Variants in ZSWIM5 observed in about 807,000 individuals in gnomAD.
The protein encoded by ZSWIM5 is zinc finger SWIM domain-containing protein 5.
Under a neutral mutation model 119.6 loss-of-function variants are expected in ZSWIM5, and 55 were observed. The ratio of observed to expected loss-of-function variants is 0.46; its 90% CI spans 0.37 to 0.58. The LOEUF is 0.58. Ranked by LOEUF, ZSWIM5 falls within the 20% of genes least tolerant of loss-of-function variation. The pLI, the probability that ZSWIM5 is intolerant of heterozygous loss-of-function variation, is 0.00. For missense variants in ZSWIM5, 1,193 were observed against 1,512.8 expected, an observed-to-expected ratio of 0.79 and a Z score of 3.51; for synonymous variants, 537 against 606.9, an observed-to-expected ratio of 0.88 and a Z score of 1.69.
rs115244315 is a variant in ZSWIM5 at position 45,035,983 on chromosome 1, G to A, written c.2155+56C>T. 1.4e-3 allele frequency: 2,261 copies of A among 1,586,616 alleles called. 33 individuals carry two copies. In the African/African-American group the frequency reaches 0.027, roughly 19 times the overall value. ...CCTGTACTTGTACTCTATTGGAGAG[G>A]GGAGCTCAGGGTCATGGGCCAAAGA... is the stretch of plus-strand genomic sequence containing the variant. On this transcript the variant is annotated intron_variant, in intron 9 of 13. Transcript: ENST00000359600.
chr1:45,093,534 A>G (rs767794270), intron 1 of ZSWIM5, among the ~76,000 whole-genome samples: 42 of 152,236 alleles, frequency 2.8e-4, no homozygotes, highest in Non-Finnish European at 5.6e-4. Flanking sequence ...TGTCAGCTGT[A>G]TTAACACTGG....
At chr1:45,181,475 G>T (rs1189414277) in intron 1 of ZSWIM5, among the ~76,000 whole-genome samples, 3 of 152,136 alleles carry the variant, frequency 2.0e-5, no homozygotes, top group African/African-American at 7.2e-5. Context: ...ACCTGAAAGG[G>T]ACAGGGAGAA....
In ZSWIM5 at chr1:45,034,621, T is replaced by C. The variant is rs1437820813; in HGVS notation, c.2292-152A>G. The C allele has an allele frequency of 7.3e-6, 6 of 820,268 alleles. No individual in the cohort carries two copies. In the African/African-American group the frequency reaches 1.0e-4, roughly 14 times the overall value. The allele number at this position is 820,268 out of a possible 1,614,324, so 50.8% of individuals were successfully genotyped here. ...TTTTTAAACCTATGGTACTATACAC[T>C]ATATGAGGTGAGTGCCTGGGCACTT... On this transcript the variant is annotated intron_variant, in intron 10 of 13. Transcript: ENST00000359600.
intron 4 of ZSWIM5, among the ~76,000 whole-genome samples, chr1:45,055,869 C>T (rs1221110096): frequency 6.6e-6 from 1 of 152,174 alleles, no homozygotes; most frequent in African/African-American, 2.4e-5. Flanking sequence ...TGGCTCGTGC[C>T]TGTAATCCCA....
intron 9 of ZSWIM5, 96 bp downstream of exon 9, chr1:45,035,943 A>G: frequency 1.3e-6 from 2 of 1,562,506 alleles, no homozygotes; most frequent in Non-Finnish European, 1.7e-6. Flanking sequence ...ACTACATTTT[A>G]ATGTCATAAA....
chr1:45,089,869 A>G (rs1195535624), intron 1 of ZSWIM5, among the ~76,000 whole-genome samples: 3 of 152,192 alleles, frequency 2.0e-5, no homozygotes, highest in African/African-American at 7.2e-5. Flanking sequence ...AGCTACACAT[A>G]TAAGTAAATG....
At chr1:45,058,231 C>A (rs772993830) in intron 4 of ZSWIM5, among the ~76,000 whole-genome samples, 1 of 152,186 alleles carries the variant, frequency 6.6e-6, no homozygotes, top group African/African-American at 2.4e-5. Context: ...TTGGAAACTG[C>A]CCTACGTCTT....
chr1:45,193,934 A>ATGTG (rs199946011), intron 1 of ZSWIM5, among the ~76,000 whole-genome samples: 9 of 149,326 alleles, frequency 6.0e-5, no homozygotes, highest in African/African-American at 2.3e-4. Flanking sequence ...ATGTGTGCAT[A>ATGTG]TGTGTATATA....
intron 1 of ZSWIM5, among the ~76,000 whole-genome samples, chr1:45,150,681 A>G (rs1250485452): frequency 3.3e-5 from 5 of 152,042 alleles, no homozygotes; most frequent in Non-Finnish European, 7.4e-5. Context: ...TATTACTCTT[A>G]TTACATTGTT....
rs1644863571 is a variant in ZSWIM5 at position 45,017,723 on chromosome 1, G to A, written c.*731C>T. ...CTCAGGTGTTCAGCAGGCTCCTGAAGAGGCTGTGTGAGGCAGGAGCTTCAA... is the reference window on the plus strand; with the variant it reads ...CTCAGGTGTTCAGCAGGCTCCTGAAAAGGCTGTGTGAGGCAGGAGCTTCAA... On this transcript the variant is annotated 3_prime_UTR_variant, in exon 14 of 14. Coordinates refer to ENST00000359600, the MANE Select transcript of ZSWIM5 (RefSeq NM_020883.2). The A allele has an allele frequency of 6.6e-6, 1 of 152,250 alleles. No homozygotes were observed. Among genetic ancestry groups the A allele is most frequent in the Admixed American group, 6.5e-5 (1 of 15,280 alleles). 9.4% of individuals were successfully genotyped at this position (152,250 alleles called of 1,614,324 possible).
intron 1 of ZSWIM5, among the ~76,000 whole-genome samples, chr1:45,159,402 T>C (rs2149040760): frequency 6.6e-6 from 1 of 152,326 alleles, no homozygotes; most frequent in South Asian, 2.1e-4. Context: ...CTTATGTCAC[T>C]ATAATGAGGA....
chr1:45,075,909 GAGGC>G, intron 2 of ZSWIM5, among the ~76,000 whole-genome samples: 1 of 139,412 alleles, frequency 7.2e-6, no homozygotes, highest in African/African-American at 2.7e-5. Flanking sequence ...AAGTTACCAT[GAGGC>G]TTGCAAATAC....
At chr1:45,180,374 G>C (rs534720419) in intron 1 of ZSWIM5, among the ~76,000 whole-genome samples, 128 of 152,302 alleles carry the variant, frequency 8.4e-4, no homozygotes, top group African/African-American at 3.0e-3. Context: ...CAGCGAGGCT[G>C]GGGGAGGGGC....
chr1:45,200,169 A>C (rs561701092), intron 1 of ZSWIM5, among the ~76,000 whole-genome samples: 4 of 152,346 alleles, frequency 2.6e-5, no homozygotes, highest in Non-Finnish European at 5.9e-5. Context: ...AGGACAAACC[A>C]CATTATACAT....
chr1:45,087,324 C>T (rs1388936106), intron 2 of ZSWIM5, among the ~76,000 whole-genome samples: 4 of 152,084 alleles, frequency 2.6e-5, no homozygotes, highest in African/African-American at 9.7e-5. Flanking sequence ...TGTTTTAGAC[C>T]CTCAACAATC....
chr1:45,036,705 T>C (rs1644986951), intron 8 of ZSWIM5, among the ~76,000 whole-genome samples: 1 of 152,134 alleles, frequency 6.6e-6, no homozygotes, highest in African/African-American at 2.4e-5. Flanking sequence ...GGTCAACAGC[T>C]ATCATAGGGA....
Position 45,154,567 on chromosome 1 carries a change from T to C in ZSWIM5, c.595+51189A>G, listed in dbSNP as rs556830566. On this transcript the variant is annotated intron_variant, in intron 1 of 13. Coordinates refer to ENST00000359600, the MANE Select transcript of ZSWIM5 (RefSeq NM_020883.2). ...GTAGGAGAATGAAACTGGATCCTCATCTCTCACCTTACACAAAAGTCAGCT... is the reference window on the plus strand; with the variant it reads ...GTAGGAGAATGAAACTGGATCCTCACCTCTCACCTTACACAAAAGTCAGCT... Among the ~76,000 whole-genome samples, 7 of 152,190 alleles carry C rather than the reference T, an allele frequency of 4.6e-5. No homozygotes were observed. In the South Asian group the frequency reaches 1.2e-3, roughly 27 times the overall value.
At chr1:45,086,850 T>C (rs949789606) in intron 2 of ZSWIM5, among the ~76,000 whole-genome samples, 1 of 151,416 alleles carries the variant, frequency 6.6e-6, no homozygotes, top group Non-Finnish European at 1.5e-5. Context: ...AAAAGCAAAA[T>C]GAAAACTGGC....
chr1:45,177,361 T>C (rs372032887), intron 1 of ZSWIM5, among the ~76,000 whole-genome samples: 113 of 152,144 alleles, frequency 7.4e-4, no homozygotes, highest in African/African-American at 2.6e-3. Context: ...CTTTTCCACA[T>C]TGGAACTGAA....
Sources: allele counts gnomAD v4.1 joint callset (sites outside exome capture counted in the v4.1 genomes callset), GRCh38; gene constraint gnomAD v4.1.1; transcripts MANE v1.5; gene names NCBI Gene and HGNC (gene_info 2026-07-23, HGNC 2026-07-21).